The following CD86 variants were observed in gnomAD, a reference collection of about 807,000 sequenced individuals.
The protein encoded by CD86 is T-lymphocyte activation antigen CD86.
In CD86, 11 loss-of-function variants were observed where a neutral mutation model predicts 32.1. The observed-to-expected ratio is 0.34, with a 90% CI of 0.22 to 0.57. The LOEUF (loss-of-function observed/expected upper bound fraction) is 0.57, where lower values mean the gene tolerates loss of function less well. Among genes scored for constraint, CD86 ranks in the 20% least tolerant of loss-of-function variants. CD86 has a pLI of 0.86. For synonymous variants in CD86, 137 were observed against 135.3 expected (o/e 1.01, Z -0.09); for missense variants, 359 against 398.4 (o/e 0.90, Z 0.84).
In CD86 at chr3:122,120,256, C is replaced by T. The variant is rs2073322589; in HGVS notation, c.*722C>T. ...GTTGCTAATATTGAGGAGGCTTGCC[C>T]CACCCAACAAGCCATAGTGGAGAGA... On this transcript the variant is annotated 3_prime_UTR_variant, in exon 7 of 7. Transcript: ENST00000330540. The T allele has an allele frequency of 6.6e-6, 1 of 152,110 alleles. No homozygotes were observed. Among genetic ancestry groups the T allele is most frequent in the South Asian group, 2.1e-4 (1 of 4,820 alleles). 9.4% of individuals were successfully genotyped at this position (152,110 alleles called of 1,614,324 possible).
intron 4 of CD86, among the ~76,000 whole-genome samples, chr3:122,107,107 A>C (rs758879381): frequency 1.3e-5 from 2 of 152,194 alleles, no homozygotes; most frequent in Non-Finnish European, 2.9e-5. Context: ...AATAAAAGTG[A>C]CTGGTAATGA....
chr3:122,075,775 C>T (rs949661886), intron 1 of CD86, among the ~76,000 whole-genome samples: 2 of 152,138 alleles, frequency 1.3e-5, no homozygotes, highest in East Asian at 1.9e-4. Context: ...TATCATTCTA[C>T]GTTACAGCAT....
At chr3:122,113,026 C>T (rs181926723) in intron 5 of CD86, among the ~76,000 whole-genome samples, 12 of 152,296 alleles carry the variant, frequency 7.9e-5, no homozygotes, top group African/African-American at 2.9e-4. Context: ...CTCTGAGTCC[C>T]CAAAGTCCAT....
intron 1 of CD86, among the ~76,000 whole-genome samples, chr3:122,074,710 T>C (rs896612217): frequency 6.6e-6 from 1 of 152,082 alleles, no homozygotes; most frequent in Non-Finnish European, 1.5e-5. Context: ...TCTGGTGAAG[T>C]TTGGTGAGGT....
At chr3:122,068,256 C>T (rs1486137827) in intron 1 of CD86, among the ~76,000 whole-genome samples, 4 of 151,972 alleles carry the variant, frequency 2.6e-5, no homozygotes, top group East Asian at 1.9e-4. Context: ...GGTGCTTTCA[C>T]GGACCTTCAT....
chr3:122,091,724 G>T, intron 2 of CD86, 74 bp downstream of exon 2: 2 of 1,234,066 alleles, frequency 1.6e-6, no homozygotes, highest in Non-Finnish European at 2.4e-6. Flanking sequence ...GCAAGCCCAG[G>T]CCTGAGACTT....
chr3:122,104,026 T>A (rs1327280550), intron 3 of CD86, among the ~76,000 whole-genome samples, 179 bp downstream of exon 3: 3 of 151,856 alleles, frequency 2.0e-5, no homozygotes, highest in Admixed American at 6.6e-5. Context: ...AGTCTGGGAG[T>A]AGGGAACTGA....
chr3:122,065,158 TC>T (rs1407278515), intron 1 of CD86, among the ~76,000 whole-genome samples: 1 of 152,130 alleles, frequency 6.6e-6, no homozygotes, highest in Non-Finnish European at 1.5e-5. Flanking sequence ...GCCAGTCTGA[TC>T]CCAGAGCCAA....
rs57304749 is a variant in CD86, at chr3:122,091,580, CT to C, written c.15-12del. 1,556,812 of 1,559,374 alleles carry C rather than the reference CT, an allele frequency of 1. 777,140 individuals are homozygous for C. Among genetic ancestry groups the C allele is most frequent in the East Asian group, 1 (44,468 of 44,476 alleles). On this transcript the variant is annotated intron_variant, in intron 1 of 6. Transcript: ENST00000330540. ...GTTTCCTTTTCTAATCAAGTTTTACCTTTTTTTTTCTCGACTCTAGCACTAT... is the reference window on the plus strand; with the variant it reads ...GTTTCCTTTTCTAATCAAGTTTTACCTTTTTTTTCTCGACTCTAGCACTAT...
intron 1 of CD86, among the ~76,000 whole-genome samples, chr3:122,058,733 A>G (rs1293087261): frequency 3.9e-5 from 6 of 152,148 alleles, no homozygotes; most frequent in Admixed American, 6.5e-5. Context: ...ATCATAAACA[A>G]ATAGAGACAT....
intron 1 of CD86, among the ~76,000 whole-genome samples, chr3:122,059,574 G>A (rs2072295339): frequency 3.3e-5 from 5 of 151,822 alleles, no homozygotes; most frequent in African/African-American, 1.2e-4. Context: ...GTGGGGAGAT[G>A]GATGCAAGAA....
chr3:122,064,479 G>A (rs79573492), intron 1 of CD86, among the ~76,000 whole-genome samples: 4 of 152,244 alleles, frequency 2.6e-5, no homozygotes, highest in Admixed American at 6.5e-5. Context: ...GATGACAGAA[G>A]TGAGTGATGC....
chr3:122,110,180 C>T (rs890698357), intron 5 of CD86, among the ~76,000 whole-genome samples: 1 of 152,152 alleles, frequency 6.6e-6, no homozygotes, highest in Non-Finnish European at 1.5e-5. Context: ...TTTTTAATGG[C>T]TGCAAGATAT....
At position 122,118,095 on chromosome 3, in the gene CD86, T is replaced by C; in HGVS notation, c.893+2T>C. 1.3e-6 allele frequency: 2 copies of C among 1,594,230 alleles called. No homozygotes were observed. The highest frequency in any genetic ancestry group is 1.8e-5 in the Admixed American group (1 of 57,140). On this transcript the variant is annotated splice_donor_variant, in intron 6 of 6. Transcript: ENST00000330540. LOFTEE classifies it high-confidence loss of function. ...AGAGAGTGAACAGACCAAGAAAAGG[T>C]AAATCCTGACCCTGAGACATTGATG... is the stretch of plus-strand genomic sequence containing the variant.
At chr3:122,096,403 T>C (rs978313721) in intron 2 of CD86, among the ~76,000 whole-genome samples, 3 of 152,182 alleles carry the variant, frequency 2.0e-5, no homozygotes, top group African/African-American at 7.2e-5. Flanking sequence ...TTTTTGATGT[T>C]ACTTCAAATA....
At chr3:122,063,639 C>T (rs541974529) in intron 1 of CD86, among the ~76,000 whole-genome samples, 16 of 150,732 alleles carry the variant, frequency 1.1e-4, no homozygotes, top group Admixed American at 5.9e-4. Flanking sequence ...CACGTTGTCA[C>T]CTAGGCTGGA....
chr3:122,113,335 T>C (rs2073203062), intron 5 of CD86, among the ~76,000 whole-genome samples: 1 of 152,232 alleles, frequency 6.6e-6, no homozygotes, highest in Non-Finnish European at 1.5e-5. Context: ...GTCTTTTTCA[T>C]ATAATGAATT....
At chr3:122,080,235 G>A (rs1029535984) in intron 1 of CD86, among the ~76,000 whole-genome samples, 21 of 152,172 alleles carry the variant, frequency 1.4e-4, no homozygotes, top group African/African-American at 1.7e-4. Flanking sequence ...TCGAGTGGAT[G>A]AGCACAGACT....
chr3:122,072,065 T>A (rs1477759104), intron 1 of CD86, among the ~76,000 whole-genome samples: 1 of 151,264 alleles, frequency 6.6e-6, no homozygotes, highest in Non-Finnish European at 1.5e-5. Context: ...GAACTCATCA[T>A]TTTTTATGGC....
Sources: allele counts gnomAD v4.1 joint callset (sites outside exome capture counted in the v4.1 genomes callset), GRCh38; gene constraint gnomAD v4.1.1; transcripts MANE v1.5; gene names NCBI Gene and HGNC (gene_info 2026-07-23, HGNC 2026-07-21).